USP32: variants seen among roughly 807,000 people sequenced by gnomAD.
The protein encoded by USP32 is ubiquitin carboxyl-terminal hydrolase 32.
In USP32, 59 loss-of-function variants were observed where a neutral mutation model predicts 204.8. That is an observed-to-expected ratio of 0.29 (90% CI 0.23 to 0.36). The LOEUF (loss-of-function observed/expected upper bound fraction) is 0.36, where lower values mean the gene tolerates loss of function less well. Among genes scored for constraint, USP32 ranks in the 10% least tolerant of loss-of-function variants. The pLI is 1.00. For missense variants in USP32, 1,160 were observed against 1,946.4 expected, an observed-to-expected ratio of 0.60 and a Z score of 7.60; for synonymous variants, 517 against 678.4, an observed-to-expected ratio of 0.76 and a Z score of 3.70.
At chr17:60,273,961 CAAAAAAAAA>C (rs35639109) in intron 5 of USP32, among the ~76,000 whole-genome samples, 1 of 42,276 alleles carries the variant, frequency 2.4e-5, no homozygotes, top group Non-Finnish European at 5.1e-5. Context: ...GACTCAGTCT[CAAAAAAAAA>C]AAAAAAAAAA....
chr17:60,396,613 T>C (rs1351862220), upstream of USP32, among the ~76,000 whole-genome samples: 1 of 152,188 alleles, frequency 6.6e-6, no homozygotes, highest in Non-Finnish European at 1.5e-5. Flanking sequence ...AAGAGTATTG[T>C]TGAGGCCAGG....
At position 60,256,633 on chromosome 17, in the gene USP32, G is replaced by A. The variant is rs1256078749; in HGVS notation, c.991-1375C>T. 11 of 989,374 alleles carry A rather than the reference G, an allele frequency of 1.1e-5. No homozygotes were observed. In the South Asian group the frequency reaches 1.7e-4, roughly 15 times the overall value. 61.3% of individuals were successfully genotyped at this position (989,374 alleles called of 1,614,324 possible). A position where few individuals can be genotyped will look rare whatever the true frequency, so the allele number is the denominator to read the frequency against. ...CCTCCCACATCCCAAAGACATACAC[G>A]TTAGGTTAACAGGAGTGTCTAAATT... On this transcript the variant is annotated intron_variant, in intron 9 of 33. Coordinates refer to ENST00000300896, the MANE Select transcript of USP32 (RefSeq NM_032582.4).
At chr17:60,378,699 G>A (rs779761340) in intron 1 of USP32, among the ~76,000 whole-genome samples, 9 of 152,076 alleles carry the variant, frequency 5.9e-5, no homozygotes, top group African/African-American at 1.7e-4. Flanking sequence ...AATATTGTAC[G>A]ATTCTATTTA....
At chr17:60,184,310 G>A (rs1288212327) in intron 30 of USP32, among the ~76,000 whole-genome samples, 115 of 126,118 alleles carry the variant, frequency 9.1e-4, no homozygotes, top group African/African-American at 3.7e-3. Context: ...GTGAGACTCC[G>A]TCTCAAAAAA....
intron 22 of USP32, 33 bp downstream of exon 22, chr17:60,209,337 A>G (rs368626117): frequency 2.5e-5 from 32 of 1,268,532 alleles, no homozygotes; most frequent in Non-Finnish European, 2.9e-5. Context: ...CATTTTGTCT[A>G]TTGCTTACAT....
chr17:60,294,994 C>G (rs145517427), intron 3 of USP32, among the ~76,000 whole-genome samples, 193 bp from the exon 4 acceptor site: 1 of 151,918 alleles, frequency 6.6e-6, no homozygotes, highest in Non-Finnish European at 1.5e-5. Flanking sequence ...TTCAAACATG[C>G]CAAATTTGCA....
At chr17:60,266,363 T>A (rs2086592289) in intron 7 of USP32, among the ~76,000 whole-genome samples, 1 of 152,190 alleles carries the variant, frequency 6.6e-6, no homozygotes, top group South Asian at 2.1e-4. Context: ...CCTTACAAAC[T>A]GTCAAGAAAG....
intron 13 of USP32, 64 bp from the exon 14 acceptor site, chr17:60,223,650 A>G: frequency 7.1e-7 from 1 of 1,409,214 alleles, no homozygotes; most frequent in Non-Finnish European, 9.6e-7. Flanking sequence ...AGGCTTGAGG[A>G]TATGAACTCA....
At chr17:60,356,906 T>A (rs1555619311) in intron 1 of USP32, among the ~76,000 whole-genome samples, 1 of 152,002 alleles carries the variant, frequency 6.6e-6, no homozygotes, top group Non-Finnish European at 1.5e-5. Context: ...AAAAAAAACA[T>A]GCCTAATGAC....
At chr17:60,356,081 C>T (rs1280956371) in intron 1 of USP32, among the ~76,000 whole-genome samples, 1 of 152,052 alleles carries the variant, frequency 6.6e-6, no homozygotes, top group Non-Finnish European at 1.5e-5. Context: ...AATATTTGAC[C>T]TATCTGGTAG....
chr17:60,289,030 C>T (rs1481401457), intron 4 of USP32, among the ~76,000 whole-genome samples: 4 of 152,138 alleles, frequency 2.6e-5, no homozygotes, highest in African/African-American at 4.8e-5. Flanking sequence ...TTGTTTGAGA[C>T]GGAGTCTCAC....
intron 1 of USP32, among the ~76,000 whole-genome samples, chr17:60,351,763 A>G (rs953122402): frequency 6.6e-6 from 1 of 152,232 alleles, no homozygotes; most frequent in Admixed American, 6.5e-5. Context: ...TATCTCAGTC[A>G]AGATGAGTAA....
chr17:60,229,757 A>G (rs2085493409), intron 12 of USP32, among the ~76,000 whole-genome samples: 1 of 152,172 alleles, frequency 6.6e-6, no homozygotes, highest in South Asian at 2.1e-4. Flanking sequence ...CCGTTTATAA[A>G]TTTATACTCA....
chr17:60,308,098 A>C (rs2087771029), intron 2 of USP32, among the ~76,000 whole-genome samples: 1 of 152,182 alleles, frequency 6.6e-6, no homozygotes, highest in Non-Finnish European at 1.5e-5. Flanking sequence ...GCTGAGAGCT[A>C]CTTCTACCAT....
intron 1 of USP32, among the ~76,000 whole-genome samples, chr17:60,385,642 G>C (rs2089718216): frequency 6.6e-6 from 1 of 152,120 alleles, no homozygotes; most frequent in Non-Finnish European, 1.5e-5. Context: ...AGGACTTCCA[G>C]ACCAGCCTGG....
chr17:60,194,307 G>C (rs1286245358), intron 27 of USP32, among the ~76,000 whole-genome samples: 1 of 152,156 alleles, frequency 6.6e-6, no homozygotes, highest in African/African-American at 2.4e-5. Context: ...GCCTCCTAAA[G>C]TGCTGGGATT....
Position 60,256,814 on chromosome 17 carries a change from T to C in USP32, c.991-1556A>G, listed in dbSNP as rs527352238. The C allele has an allele frequency of 2.7e-5, 29 of 1,083,966 alleles. 1 individual carries two copies. In the Admixed American group the frequency reaches 6.5e-4, roughly 24 times the overall value. The allele number at this position is 1,083,966 out of a possible 1,614,324, so 67.1% of individuals were successfully genotyped here. A position where few individuals can be genotyped will look rare whatever the true frequency, so the allele number is the denominator to read the frequency against. On this transcript the variant is annotated intron_variant, in intron 9 of 33. Coordinates refer to ENST00000300896, the MANE Select transcript of USP32 (RefSeq NM_032582.4). ...AAGAGAGGGTTTGAATTCATACTTA[T>C]AGGTGAATTCTGGATTGGGCCAGTC...
intron 9 of USP32, among the ~76,000 whole-genome samples, chr17:60,262,389 G>A (rs545328876): frequency 2.5e-4 from 38 of 152,110 alleles, no homozygotes; most frequent in African/African-American, 7.7e-4. Flanking sequence ...ACAGGGTTTC[G>A]CCATGTTGGC....
Position 60,338,140 on chromosome 17 carries a change from A to G in USP32, c.186+7341T>C, listed in dbSNP as rs962993967. On this transcript the variant is annotated intron_variant, in intron 2 of 33. Transcript: ENST00000300896. ...AAAGATCAAGCCCAGCCTGGGCAAC[A>G]TGGCGAAACTGCATCTCTACAAAAA... Among the ~76,000 whole-genome samples the G allele has an allele frequency of 4.6e-5, 7 of 151,952 alleles. No individual in the cohort carries two copies. In the East Asian group the frequency reaches 1.4e-3, roughly 30 times the overall value.
Sources: allele counts gnomAD v4.1 joint callset (sites outside exome capture counted in the v4.1 genomes callset), GRCh38; gene constraint gnomAD v4.1.1; transcripts MANE v1.5; gene names NCBI Gene and HGNC (gene_info 2026-07-23, HGNC 2026-07-21).